The following PCDHA1 variants were observed in gnomAD, a reference collection of about 807,000 sequenced individuals.
PCDHA1 encodes the protein protocadherin alpha-1.
A neutral mutation model predicts 61.3 loss-of-function variants in PCDHA1; 42 were observed. The ratio of observed to expected loss-of-function variants is 0.69; its 90% CI spans 0.54 to 0.89. PCDHA1 has a LOEUF of 0.89. Among genes scored for constraint, PCDHA1 ranks in the 40% least tolerant of loss-of-function variants. The probability of loss-of-function intolerance (pLI) is 0.00; values close to 1 mark genes in which losing one functional copy is unlikely to be tolerated. For synonymous variants in PCDHA1, 610 were observed against 553.8 expected (o/e 1.10, Z -1.43); for missense variants, 1,256 against 1,235.3 (o/e 1.02, Z -0.25).
At chr5:140,932,091 T>G (rs904157159) in intron 1 of PCDHA1, among the ~76,000 whole-genome samples, 1 of 151,872 alleles carries the variant, frequency 6.6e-6, no homozygotes, top group Non-Finnish European at 1.5e-5. Context: ...GAAAACATGG[T>G]TTTTATCTCT....
intron 3 of PCDHA1, among the ~76,000 whole-genome samples, chr5:141,006,304 C>T (rs528368169): frequency 7.9e-5 from 12 of 152,036 alleles, no homozygotes; most frequent in African/African-American, 2.7e-4. Context: ...CTCCACTTCC[C>T]GGGTTCATGC....
intron 1 of PCDHA1, among the ~76,000 whole-genome samples, chr5:140,919,697 A>G (rs1395748776): frequency 1.3e-5 from 2 of 152,188 alleles, no homozygotes; most frequent in Non-Finnish European, 2.9e-5. Flanking sequence ...GATTTATATT[A>G]ACTTAATTCT....
At chr5:140,805,567 T>C in intron 1 of PCDHA1, 1 of 964,878 alleles carries the variant, frequency 1.0e-6, no homozygotes, top group South Asian at 4.8e-5. Flanking sequence ...GCAAGGAAAG[T>C]TTTTAAATGG....
intron 1 of PCDHA1, chr5:140,859,133 A>C (rs1196792734): frequency 6.7e-6 from 1 of 150,106 alleles, no homozygotes; most frequent in Non-Finnish European, 1.5e-5. Flanking sequence ...TTTTATTTAC[A>C]TAATTTTATC....
chr5:140,801,302 C>T (rs905551581), intron 1 of PCDHA1: 3 of 1,613,482 alleles, frequency 1.9e-6, no homozygotes, highest in Non-Finnish European at 2.5e-6. Flanking sequence ...ACTACTCCGT[C>T]TCTGAGGAGG....
chr5:140,870,405 G>A (rs1226660080), intron 1 of PCDHA1: 1 of 1,614,248 alleles, frequency 6.2e-7, no homozygotes, highest in Non-Finnish European at 8.5e-7. Flanking sequence ...CGCCTTCTCT[G>A]TGGGCCACGG....
rs781793178 is a variant in PCDHA1 at position 140,857,329 on chromosome 5, G to A, written c.2394+68645G>A. ...CCTATGAGCTGGTGGTGACCGCGCGGGACGGGGGCTCGCCTCCGCTGTGGG... is the reference window on the plus strand; with the variant it reads ...CCTATGAGCTGGTGGTGACCGCGCGAGACGGGGGCTCGCCTCCGCTGTGGG... On this transcript the variant is annotated intron_variant, in intron 1 of 3. Coordinates refer to ENST00000504120, the MANE Select transcript of PCDHA1 (RefSeq NM_018900.4). 1.7e-5 allele frequency: 27 copies of A among 1,598,568 alleles called. 1 individual carries two copies. In the South Asian group the frequency reaches 2.9e-4, roughly 17 times the overall value.
chr5:140,793,829 T>C (rs1009410140), intron 1 of PCDHA1, among the ~76,000 whole-genome samples: 39 of 152,232 alleles, frequency 2.6e-4, no homozygotes, highest in African/African-American at 9.2e-4. Flanking sequence ...GGAAAAGGAA[T>C]ATTCTAAAGT....
chr5:140,823,991 T>G (rs2150131216), intron 1 of PCDHA1: 2 of 1,613,888 alleles, frequency 1.2e-6, no homozygotes, highest in Admixed American at 3.3e-5. Flanking sequence ...CCCACTCTGT[T>G]GTGCTCCAGC....
chr5:140,868,183 T>A (rs1286748964), intron 1 of PCDHA1: 2 of 152,160 alleles, frequency 1.3e-5, no homozygotes, highest in African/African-American at 4.8e-5. Flanking sequence ...TCTCATATTA[T>A]GCTACTATGG....
rs2040836417 is a variant in PCDHA1 at position 140,849,271 on chromosome 5, C to G, written c.2394+60587C>G. ...TTACCAGAAAACGTTTCTATCGGAA[C>G]GCTGGTGATTCACCCCAATGCCTCA... is the stretch of plus-strand genomic sequence containing the variant. On this transcript the variant is annotated intron_variant, in intron 1 of 3. Coordinates refer to ENST00000504120, the MANE Select transcript of PCDHA1 (RefSeq NM_018900.4). 10 of 1,147,158 alleles carry G rather than the reference C, an allele frequency of 8.7e-6. No individual in the cohort carries two copies. In the East Asian group the frequency reaches 2.3e-4, roughly 26 times the overall value. 71.1% of individuals were successfully genotyped at this position (1,147,158 alleles called of 1,614,324 possible).
intron 1 of PCDHA1, chr5:140,867,929 GTTT>G (rs1459004552): frequency 6.6e-6 from 1 of 151,990 alleles, no homozygotes; most frequent in Non-Finnish European, 1.5e-5. Context: ...CACTTCCCTT[GTTT>G]TCCATGAACT....
At position 140,982,438 on chromosome 5, in the gene PCDHA1, T is replaced by C. The variant is rs782761318; in HGVS notation, c.2454-37T>C. On this transcript the variant is annotated intron_variant, in intron 2 of 3. Coordinates refer to ENST00000504120, the MANE Select transcript of PCDHA1 (RefSeq NM_018900.4). ...GGAAGAAGAGATGGGAAAGAATTTA[T>C]GATCTAACCGTTATCTGGGTCTGTG... is the stretch of plus-strand genomic sequence containing the variant. The C allele has an allele frequency of 3.1e-6, 5 of 1,611,448 alleles. No individual in the cohort carries two copies. The South Asian group carries it at 5.5e-5, about 18-fold the overall frequency.
chr5:140,882,566 G>A, intron 1 of PCDHA1: 1 of 1,614,252 alleles, frequency 6.2e-7, no homozygotes, highest in Non-Finnish European at 8.5e-7. Context: ...TGGGCGGAGC[G>A]CGGAGTGCAG....
intron 1 of PCDHA1, chr5:140,867,818 C>G (rs1319756642): frequency 6.6e-6 from 1 of 152,040 alleles, no homozygotes; most frequent in African/African-American, 2.4e-5. Flanking sequence ...AATTCCATTT[C>G]CACAAGCACT....
chr5:140,848,205 T>C (rs1781374439), intron 1 of PCDHA1: 1 of 336,638 alleles, frequency 3.0e-6, no homozygotes, highest in Non-Finnish European at 5.4e-6. Flanking sequence ...CAACAATCAT[T>C]ACTTAAGAAA....
At position 140,954,715 on chromosome 5, in the gene PCDHA1, G is replaced by A. The variant is rs189929573; in HGVS notation, c.2395-24234G>A. Among the ~76,000 whole-genome samples, 246 of 152,208 alleles carry A rather than the reference G, an allele frequency of 1.6e-3. 8 individuals carry two copies. Among genetic ancestry groups the A allele is most frequent in the Middle Eastern group, 3.4e-3 (1 of 294 alleles). ...GACTACAAAATTTTTCTCCCATTCT[G>A]TAGGTTGTCTTTTCACTCTGATGAT... On this transcript the variant is annotated intron_variant, in intron 1 of 3. Coordinates refer to ENST00000504120, the MANE Select transcript of PCDHA1 (RefSeq NM_018900.4).
At chr5:140,862,660 G>C (rs569424242) in intron 1 of PCDHA1, 56 of 546,542 alleles carry the variant, frequency 1.0e-4, no homozygotes, top group African/African-American at 8.2e-4. Flanking sequence ...GCGGGACCGG[G>C]ACGCGCAGGA....
chr5:140,792,159 G>A (rs907843630), intron 1 of PCDHA1, among the ~76,000 whole-genome samples: 1 of 152,118 alleles, frequency 6.6e-6, no homozygotes, highest in Non-Finnish European at 1.5e-5. Context: ...GGATCTTCCA[G>A]CTTCTGGTAG....
Sources: gnomAD v4.1 joint callset for allele counts (sites outside exome capture counted in the v4.1 genomes callset) on GRCh38, gnomAD v4.1.1 for gene constraint, MANE v1.5 for transcripts, NCBI Gene and HGNC (gene_info 2026-07-23, HGNC 2026-07-21) for gene names.